Variants in ZNF841 observed in about 807,000 individuals in gnomAD.
ZNF841 encodes zinc finger protein 841.
Under a neutral mutation model 13.0 loss-of-function variants are expected in ZNF841, and 11 were observed. The ratio of observed to expected loss-of-function variants is 0.85; its 90% CI spans 0.53 to 1.40. The LOEUF is 1.40. Ranked by LOEUF, ZNF841 falls within the 40% of genes most tolerant of loss-of-function variation. The pLI is 0.00. For synonymous variants in ZNF841, 369 were observed against 381.6 expected (o/e 0.97, Z 0.38); for missense variants, 1,068 against 1,139.5 (o/e 0.94, Z 0.90).
At position 52,084,810 on chromosome 19, in the gene ZNF841, C is replaced by G; in HGVS notation, c.-9G>C. 6.2e-7 allele frequency: 1 copy of G among 1,613,118 alleles called. No individual in the cohort carries two copies. The highest frequency in any genetic ancestry group is 8.5e-7 in the Non-Finnish European group (1 of 1,179,588). On this transcript the variant is annotated 5_prime_UTR_variant, in exon 4 of 7. Coordinates refer to ENST00000594440, the MANE Select transcript of ZNF841 (RefSeq NM_001136499.2). ...ACCTGAGGAAGAGCCATCCCTGGCT[C>G]CTTTTCTTTCTTCTTTCTCTCCTGG...
Position 52,065,396 on chromosome 19 carries a change from G to A in ZNF841, c.2486C>T (p.Ala829Val). The A allele has an allele frequency of 6.2e-7, 1 of 1,610,348 alleles. No homozygotes were observed. Among genetic ancestry groups the A allele is most frequent in the Non-Finnish European group, 8.5e-7 (1 of 1,177,962 alleles). ...AACCAAGTTTGACCTTTCGATAAAA[G>A]CTTTACCACATTCATTACATTTATA... Reference protein sequence around the residue: ...KPYKCNECGKAFIERSNLVYH... With the variant: ...KPYKCNECGKVFIERSNLVYH... The change falls in exon 7 of 7, where the codon GCT (alanine) becomes GTT (valine). Residue 829 changes from alanine to valine, a missense_variant. Ala to Val is a moderately conservative substitution (Grantham distance 64, BLOSUM62 0). Transcript: ENST00000594440.
At chr19:52,092,899 T>C (rs1359381037) in intron 2 of ZNF841, among the ~76,000 whole-genome samples, 4 of 152,152 alleles carry the variant, frequency 2.6e-5, no homozygotes, top group African/African-American at 9.7e-5. Context: ...GGCGGGCAGA[T>C]CACGAGGTCA....
chr19:52,086,647 A>G (rs9304722), intron 3 of ZNF841, among the ~76,000 whole-genome samples: 3 of 152,240 alleles, frequency 2.0e-5, no homozygotes, highest in African/African-American at 7.2e-5. Flanking sequence ...TGTGGACAGA[A>G]ACAAGAAGAG....
intron 6 of ZNF841, among the ~76,000 whole-genome samples, chr19:52,075,285 T>C (rs532092227): frequency 6.6e-6 from 1 of 152,276 alleles, no homozygotes; most frequent in African/African-American, 2.4e-5. Flanking sequence ...AGGAATTGGA[T>C]TGTGAGGGAT....
chr19:52,090,682 A>AGAAAGAAAGAAG (rs1568549713), intron 2 of ZNF841, among the ~76,000 whole-genome samples: 2 of 131,682 alleles, frequency 1.5e-5, no homozygotes, highest in Non-Finnish European at 3.3e-5. Context: ...AAAGAAAGAA[A>AGAAAGAAAGAAG]GAAAGAAAGA....
intron 6 of ZNF841, among the ~76,000 whole-genome samples, chr19:52,068,585 A>G (rs1412248295): frequency 5.9e-5 from 9 of 151,574 alleles, no homozygotes; most frequent in Non-Finnish European, 1.5e-5. Flanking sequence ...CTGAGACAGG[A>G]GAATCATTGG....
rs2088294448 is a variant in ZNF841 at position 52,086,911 on chromosome 19, T to C, written c.-78+2026A>G. ...TTCATCCAATGCATTCAAGACACAA[T>C]TGGAGGCAACAAGTGAAGACAGAGA... On this transcript the variant is annotated intron_variant, in intron 3 of 6. Transcript: ENST00000594440. 2.6e-5 allele frequency among the ~76,000 whole-genome samples: 4 copies of C among 152,182 alleles called. No homozygotes were observed. The South Asian group carries it at 8.3e-4, about 32-fold the overall frequency.
chr19:52,082,606 AT>A (rs1353440358), intron 4 of ZNF841, among the ~76,000 whole-genome samples: 17 of 152,328 alleles, frequency 1.1e-4, no homozygotes, highest in African/African-American at 3.8e-4. Context: ...AGAAGCAATC[AT>A]TCTTTGAACT....
At chr19:52,088,401 C>T (rs2088361692) in intron 3 of ZNF841, among the ~76,000 whole-genome samples, 1 of 152,064 alleles carries the variant, frequency 6.6e-6, no homozygotes, top group African/African-American at 2.4e-5. Context: ...ACCATGTACC[C>T]TAATTAAGAA....
chr19:52,063,110 C>T (rs548198436), downstream of ZNF841, among the ~76,000 whole-genome samples: 5 of 152,162 alleles, frequency 3.3e-5, no homozygotes, highest in Middle Eastern at 3.4e-3. Context: ...TTCCTGACCT[C>T]GTGATCTGCC....
intron 6 of ZNF841, among the ~76,000 whole-genome samples, chr19:52,070,369 G>A (rs1321769283): frequency 6.6e-6 from 1 of 152,188 alleles, no homozygotes; most frequent in South Asian, 2.1e-4. Flanking sequence ...CACCTTGCCT[G>A]TAGTGGACAA....
chr19:52,078,570 G>A (rs1600093185), intron 4 of ZNF841, among the ~76,000 whole-genome samples: 1 of 151,736 alleles, frequency 6.6e-6, no homozygotes, highest in East Asian at 1.9e-4. Context: ...GTGGTGGCCG[G>A]CGCCTGTAAT....
chr19:52,066,631 A>G lies in ZNF841; in HGVS notation c.1251T>C (p.Thr417=). The G allele has an allele frequency of 6.2e-7, 1 of 1,613,380 alleles. No individual in the cohort carries two copies. The highest frequency in any genetic ancestry group is 8.5e-7 in the Non-Finnish European group (1 of 1,179,704). The change falls in exon 7 of 7, where the codon ACT becomes ACC. Residue 417 remains threonine, a synonymous_variant. Coordinates refer to ENST00000594440, the MANE Select transcript of ZNF841 (RefSeq NM_001136499.2). ...GKTFKRNSSL[T]AHHIIHAGKK... ...TTCCTGCATGGATTATATGATGTGC[A>G]GTGAGGCTTGAGTTCCGTTTAAAGG...
In ZNF841 at chr19:52,089,497, A is replaced by T. The variant is rs114163442; in HGVS notation, c.-143-495T>A. On this transcript the variant is annotated intron_variant, in intron 2 of 6. Transcript: ENST00000594440. The stretch of plus-strand genomic sequence containing the variant: ...GAGTCTACTAAAAAATACAAAAAAA[A>T]ACAGCCGGACATGGTGACACACGCT... Among the ~76,000 whole-genome samples the T allele has an allele frequency of 6.1e-3, 921 of 152,194 alleles. 7 individuals are homozygous for T. Among genetic ancestry groups the T allele is most frequent in the African/African-American group, 0.021 (864 of 41,508 alleles).
chr19:52,066,466 A>G lies in ZNF841; in HGVS notation c.1416T>C (p.Leu472=). ...CGKVFFQRSR[L]AGHRRIHTGE... is the part of the protein sequence containing the mutation. The stretch of plus-strand genomic sequence containing the variant: ...CAGTATGAATTCTCCGGTGCCCTGC[A>G]AGACGTGAACGTTGAAAGAAGACCT... The change falls in exon 7 of 7, where the codon CTT becomes CTC. Residue 472 remains leucine, a synonymous_variant. Coordinates refer to ENST00000594440, the MANE Select transcript of ZNF841 (RefSeq NM_001136499.2). The G allele has an allele frequency of 6.2e-7, 1 of 1,613,982 alleles. No homozygotes were observed.
chr19:52,089,779 G>A (rs969841527), intron 2 of ZNF841, among the ~76,000 whole-genome samples: 5 of 152,140 alleles, frequency 3.3e-5, no homozygotes, highest in African/African-American at 9.7e-5. Flanking sequence ...TGGGACAGGT[G>A]CACACACCAT....
intron 1 of ZNF841, among the ~76,000 whole-genome samples, chr19:52,094,364 T>G (rs1264870840): frequency 6.6e-6 from 1 of 152,178 alleles, no homozygotes; most frequent in Non-Finnish European, 1.5e-5. Flanking sequence ...CTCTCCCGCT[T>G]TCTTCACGGC....
At chr19:52,077,887 G>A (rs2087956499) in intron 4 of ZNF841, among the ~76,000 whole-genome samples, 1 of 152,180 alleles carries the variant, frequency 6.6e-6, no homozygotes, top group African/African-American at 2.4e-5. Context: ...GCTAATCCCT[G>A]CTTCGAAGAT....
At chr19:52,089,678 C>T (rs999926244) in intron 2 of ZNF841, among the ~76,000 whole-genome samples, 2 of 142,296 alleles carry the variant, frequency 1.4e-5, no homozygotes, top group Non-Finnish European at 3.0e-5. Flanking sequence ...CCATGCACAA[C>T]CACTCATAAT....
Sources: gnomAD v4.1 joint callset for allele counts (sites outside exome capture counted in the v4.1 genomes callset) on GRCh38, gnomAD v4.1.1 for gene constraint, MANE v1.5 for transcripts, NCBI Gene and HGNC (gene_info 2026-07-23, HGNC 2026-07-21) for gene names.